Variants in FREM1 observed in about 807,000 individuals in gnomAD.
FREM1 encodes the protein FRAS1-related extracellular matrix protein 1.
A neutral mutation model predicts 210.1 loss-of-function variants in FREM1; 220 were observed. The observed-to-expected ratio is 1.05, with a 90% CI of 0.94 to 1.17. The LOEUF is 1.17. FREM1 is among the 50% of genes most tolerant of loss of function. The pLI is 0.00. For synonymous variants in FREM1, 1,189 were observed against 980.2 expected, an observed-to-expected ratio of 1.21 and a Z score of -3.98; for missense variants, 3,454 against 2,675.5, an observed-to-expected ratio of 1.29 and a Z score of -6.42.
chr9:14,859,032 T>C (rs952971095), intron 4 of FREM1, 151 bp downstream of exon 4: 14 of 554,738 alleles, frequency 2.5e-5, no homozygotes, highest in African/African-American at 2.5e-4. Context: ...TTTCTGATTG[T>C]AAAGTCTGTG....
chr9:14,779,882 A>C (rs542548352), intron 24 of FREM1, among the ~76,000 whole-genome samples: 97 of 152,350 alleles, frequency 6.4e-4, no homozygotes, highest in African/African-American at 2.3e-3. Context: ...ACTGGATCAA[A>C]TAACATCATT....
rs184973451 is a variant in FREM1 at position 14,780,537 on chromosome 9, C to T, written c.4442+3833G>A. Among the ~76,000 whole-genome samples, 55 of 151,936 alleles carry T rather than the reference C, an allele frequency of 3.6e-4. 1 individual carries two copies. The East Asian group carries it at 0.01, about 28-fold the overall frequency. On this transcript the variant is annotated intron_variant, in intron 24 of 36. Transcript: ENST00000380880. ...AGCTGAAGTCAGCTTGCTAATCACTCGGTGTCATCTGTCCTAGAACATGCT... is the reference window on the plus strand; with the variant it reads ...AGCTGAAGTCAGCTTGCTAATCACTTGGTGTCATCTGTCCTAGAACATGCT...
At chr9:14,859,600 G>A (rs919111382) in intron 3 of FREM1, 116 bp from the exon 4 acceptor site, 4 of 826,412 alleles carry the variant, frequency 4.8e-6, no homozygotes, top group Non-Finnish European at 7.6e-6. Flanking sequence ...CACAGATTGA[G>A]TTTGGATTTC....
chr9:14,864,925 T>C (rs903796235), intron 2 of FREM1, among the ~76,000 whole-genome samples: 1 of 152,218 alleles, frequency 6.6e-6, no homozygotes, highest in Non-Finnish European at 1.5e-5. Context: ...CCCCATATCA[T>C]TGACAAATAG....
intron 3 of FREM1, among the ~76,000 whole-genome samples, chr9:14,860,312 C>A (rs192710631): frequency 6.6e-6 from 1 of 151,790 alleles, no homozygotes; most frequent in African/African-American, 2.4e-5. Flanking sequence ...AACAAACATG[C>A]TCCCTGTTTT....
intron 5 of FREM1, among the ~76,000 whole-genome samples, chr9:14,852,744 A>G (rs1211935407): frequency 6.6e-6 from 1 of 152,236 alleles, no homozygotes; most frequent in African/African-American, 2.4e-5. Context: ...ACAGGATTTG[A>G]TCTAGCCCAT....
intron 10 of FREM1, among the ~76,000 whole-genome samples, chr9:14,832,991 G>A (rs1229513871): frequency 6.6e-6 from 1 of 152,134 alleles, no homozygotes; most frequent in Non-Finnish European, 1.5e-5. Context: ...AACAAACTTG[G>A]CTATGGGCCT....
At position 14,848,724 on chromosome 9, in the gene FREM1, G is replaced by A. The variant is rs781583560; in HGVS notation, c.1202C>T (p.Thr401Ile). The A allele has an allele frequency of 1.9e-6, 3 of 1,613,176 alleles. No homozygotes were observed. In the South Asian group the frequency reaches 3.3e-5, roughly 18 times the overall value. The change falls in exon 7 of 37, where the codon ACA (threonine) becomes ATA (isoleucine). Residue 401 changes from threonine (T) to isoleucine (I), a missense_variant. By Grantham distance (89) the Thr-to-Ile change is moderately conservative. Coordinates refer to ENST00000380880, the MANE Select transcript of FREM1 (RefSeq NM_001379081.2). Reference protein sequence around the residue: ...DFFFERSAPMTVHISIRTADT... With the variant: ...DFFFERSAPMIVHISIRTADT... ...TGCTGTTCTGATGGAGATGTGGACTGTCATAGGTGCACTCCTTTCAAAGAA... is the reference window on the plus strand; with the variant it reads ...TGCTGTTCTGATGGAGATGTGGACTATCATAGGTGCACTCCTTTCAAAGAA...
chr9:14,806,209 T>C (rs1818312809), intron 18 of FREM1, among the ~76,000 whole-genome samples: 1 of 151,988 alleles, frequency 6.6e-6, no homozygotes, highest in Non-Finnish European at 1.5e-5. Context: ...AAGCATCAGC[T>C]ATAATAGTAA....
At chr9:14,760,330 A>G (rs1040392217) in intron 27 of FREM1, among the ~76,000 whole-genome samples, 16 of 152,234 alleles carry the variant, frequency 1.1e-4, no homozygotes, top group Admixed American at 9.8e-4. Flanking sequence ...TGGTACAACA[A>G]GAACAATTCC....
rs1484821191 is a variant in FREM1, at chr9:14,737,273, G to C, written c.*123C>G. On this transcript the variant is annotated 3_prime_UTR_variant, in exon 37 of 37. Transcript: ENST00000380880. ...TATTAAAAATGTCCCATTTTCACTA[G>C]ACAGAATCACAAAGGTATACCCACT... The C allele has an allele frequency of 6.7e-6, 4 of 600,502 alleles. No homozygotes were observed. The highest frequency in any genetic ancestry group is 1.1e-5 in the Non-Finnish European group (4 of 352,412). 37.2% of individuals were successfully genotyped at this position (600,502 alleles called of 1,614,324 possible). A position where few individuals can be genotyped will look rare whatever the true frequency, so the allele number is the denominator to read the frequency against.
At position 14,808,118 on chromosome 9, in the gene FREM1, C is replaced by T; in HGVS notation, c.2910G>A (p.Leu970=). The T allele has an allele frequency of 2.5e-6, 4 of 1,603,412 alleles. No individual in the cohort carries two copies. Among genetic ancestry groups the T allele is most frequent in the Non-Finnish European group, 3.4e-6 (4 of 1,174,120 alleles). ...TYKHTGGEIG[L]MPCFDTITLV... ...ATGTAATGGTGTCAAAACAAGGCAT[C>T]AGGCCAATCTCGCCACCTGGAAGAC... The change falls in exon 17 of 37, where the codon CTG becomes CTA. Residue 970 remains leucine, a synonymous_variant. Coordinates refer to ENST00000380880, the MANE Select transcript of FREM1 (RefSeq NM_001379081.2).
At chr9:14,889,930 G>A (rs1418376283) in intron 1 of FREM1, among the ~76,000 whole-genome samples, 2 of 152,306 alleles carry the variant, frequency 1.3e-5, no homozygotes, top group Admixed American at 1.3e-4. Context: ...GAAAGTTATG[G>A]GAAAATGTAT....
At chr9:14,792,707 G>T (rs368615367) in intron 22 of FREM1, 36 bp downstream of exon 22, 1 of 1,520,720 alleles carries the variant, frequency 6.6e-7, no homozygotes, top group South Asian at 1.3e-5. Context: ...TACCTGCTAC[G>T]TTAGTTTTGA....
chr9:14,891,969 C>G (rs551611738), intron 1 of FREM1, among the ~76,000 whole-genome samples: 61 of 152,298 alleles, frequency 4.0e-4, no homozygotes, highest in Non-Finnish European at 7.8e-4. Flanking sequence ...CCTGCTCTGT[C>G]TATGGAGTAG....
chr9:14,873,452 T>G (rs922224670), intron 1 of FREM1, among the ~76,000 whole-genome samples: 1 of 152,222 alleles, frequency 6.6e-6, no homozygotes, highest in Non-Finnish European at 1.5e-5. Flanking sequence ...CTAGTTTATT[T>G]GTGTAGAGGT....
chr9:14,747,226 G>A (rs1842629771), intron 33 of FREM1, 38 bp downstream of exon 33: 3 of 1,601,784 alleles, frequency 1.9e-6, no homozygotes, highest in Admixed American at 3.4e-5. Flanking sequence ...CAAACAACTT[G>A]TTATAAGGTG....
Position 14,795,363 on chromosome 9 carries a change from T to C in FREM1, c.3839+2135A>G, listed in dbSNP as rs539967085. Among the ~76,000 whole-genome samples, 3 of 152,318 alleles carry C rather than the reference T, an allele frequency of 2.0e-5. No individual in the cohort carries two copies. The South Asian group carries it at 6.2e-4, about 32-fold the overall frequency. On this transcript the variant is annotated intron_variant, in intron 21 of 36. Coordinates refer to ENST00000380880, the MANE Select transcript of FREM1 (RefSeq NM_001379081.2). ...TTGGTAAGTGGCTGAACTGAGTCAA[T>C]CTGACTCCAGCATTTGCTCTCTTAA...
chr9:14,783,401 T>A (rs912550595), intron 24 of FREM1, among the ~76,000 whole-genome samples: 1 of 152,220 alleles, frequency 6.6e-6, no homozygotes, highest in Non-Finnish European at 1.5e-5. Flanking sequence ...TAGTGCTCTT[T>A]AGAAGACTGT....
Sources: gnomAD v4.1 joint callset for allele counts (sites outside exome capture counted in the v4.1 genomes callset) on GRCh38, gnomAD v4.1.1 for gene constraint, MANE v1.5 for transcripts, NCBI Gene and HGNC (gene_info 2026-07-23, HGNC 2026-07-21) for gene names.